GALNT14: variants seen among roughly 807,000 people sequenced by gnomAD.
The protein encoded by GALNT14 is polypeptide N-acetylgalactosaminyltransferase 14.
In GALNT14, 60 loss-of-function variants were observed where a neutral mutation model predicts 77.5. That is an observed-to-expected ratio of 0.77 (90% CI 0.63 to 0.96). The LOEUF is 0.96. GALNT14 is among the 40% of genes least tolerant of loss of function. GALNT14 has a pLI of 0.00. For synonymous variants in GALNT14, 280 were observed against 281.7 expected (o/e 0.99, Z 0.06); for missense variants, 710 against 731.0 (o/e 0.97, Z 0.33).
Position 30,920,632 on chromosome 2 carries a change from C to T in GALNT14, c.1380+3487G>A, listed in dbSNP as rs994544062. ...GTCAGTCCTATGAGAGTGTATGCTA[C>T]ACACACACACACACACACACACACA... is the stretch of plus-strand genomic sequence containing the variant. On this transcript the variant is annotated intron_variant, in intron 13 of 14. Coordinates refer to ENST00000349752, the MANE Select transcript of GALNT14 (RefSeq NM_024572.4). Among the ~76,000 whole-genome samples the T allele has an allele frequency of 1.9e-4, 25 of 128,808 alleles. No homozygotes were observed. The East Asian group carries it at 5.0e-3, about 26-fold the overall frequency. The allele number at this position is 128,808 out of a possible 152,430, so 84.5% of individuals were successfully genotyped here. A position where few individuals can be genotyped will look rare whatever the true frequency, so the allele number is the denominator to read the frequency against.
At chr2:30,925,607 G>A (rs1423841292) in intron 11 of GALNT14, among the ~76,000 whole-genome samples, 2 of 152,312 alleles carry the variant, frequency 1.3e-5, no homozygotes, top group East Asian at 1.9e-4. Context: ...GAAGCTCTGC[G>A]GGCAGGAAGA....
chr2:30,949,333 C>T (rs1203665597), intron 6 of GALNT14, among the ~76,000 whole-genome samples: 5 of 152,176 alleles, frequency 3.3e-5, no homozygotes, highest in Non-Finnish European at 7.3e-5. Flanking sequence ...GGGTCAATTA[C>T]AGCTGAATAA....
At chr2:31,027,089 T>C (rs567840701) in intron 1 of GALNT14, among the ~76,000 whole-genome samples, 1 of 152,220 alleles carries the variant, frequency 6.6e-6, no homozygotes, top group South Asian at 2.1e-4. Context: ...TGGCACTGTA[T>C]CCAGGTATGA....
intron 1 of GALNT14, among the ~76,000 whole-genome samples, chr2:31,053,065 G>C (rs1422918607): frequency 1.3e-5 from 2 of 152,082 alleles, no homozygotes; most frequent in African/African-American, 4.8e-5. Flanking sequence ...GGTTTAACCA[G>C]TTCTGGCCCC....
chr2:31,088,570 T>G (rs1241232220), intron 1 of GALNT14, among the ~76,000 whole-genome samples: 2 of 152,208 alleles, frequency 1.3e-5, no homozygotes, highest in African/African-American at 4.8e-5. Flanking sequence ...GAGCCCAGCT[T>G]AGATCTGTGG....
intron 1 of GALNT14, among the ~76,000 whole-genome samples, chr2:31,026,911 C>T (rs534481097): frequency 7.2e-6 from 1 of 139,656 alleles, no homozygotes; most frequent in Non-Finnish European, 1.6e-5. Flanking sequence ...ATACTGCAGC[C>T]AGTACACTAC....
At chr2:30,889,462 C>T in the GALNT14 span, among the ~76,000 whole-genome samples, 17 of 152,298 alleles carry the variant, frequency 1.1e-4, no homozygotes, top group African/African-American at 3.9e-4. Flanking sequence ...GGGACTTCTC[C>T]CCTTACCCTA....
Position 30,966,190 on chromosome 2 carries a change from C to A in GALNT14, c.398+14G>T, listed in dbSNP as rs752681306. ...GGCCCAGAGCTGGCCAACAGACAAG[C>A]AAGGATGCCTCACCTGCGGATGGTC... On this transcript the variant is annotated intron_variant, in intron 3 of 14. Coordinates refer to ENST00000349752, the MANE Select transcript of GALNT14 (RefSeq NM_024572.4). 8 of 1,611,498 alleles carry A rather than the reference C, an allele frequency of 5.0e-6. No individual in the cohort carries two copies. Among genetic ancestry groups the A allele is most frequent in the Non-Finnish European group, 6.8e-6 (8 of 1,177,814 alleles).
At chr2:31,043,388 G>T (rs1673222088) in intron 1 of GALNT14, among the ~76,000 whole-genome samples, 1 of 152,186 alleles carries the variant, frequency 6.6e-6, no homozygotes, top group African/African-American at 2.4e-5. Flanking sequence ...AATGAGTGGG[G>T]TTTTAAAATT....
intron 1 of GALNT14, among the ~76,000 whole-genome samples, chr2:31,029,035 G>T (rs530156922): frequency 6.6e-6 from 1 of 152,258 alleles, no homozygotes; most frequent in South Asian, 2.1e-4. Flanking sequence ...TCTGGGGGTT[G>T]CTCCCTGAGC....
intron 1 of GALNT14, among the ~76,000 whole-genome samples, chr2:31,029,185 C>T (rs977514105): frequency 3.9e-5 from 6 of 152,190 alleles, no homozygotes; most frequent in East Asian, 1.9e-4. Context: ...AAGTCATTCG[C>T]GGGATCTATT....
chr2:31,015,703 A>G (rs1216603699), intron 1 of GALNT14, among the ~76,000 whole-genome samples: 1 of 152,218 alleles, frequency 6.6e-6, no homozygotes, highest in Non-Finnish European at 1.5e-5. Context: ...CGTCTGTAGT[A>G]TTTTTGCCAA....
At chr2:30,899,590 T>C in the GALNT14 span, among the ~76,000 whole-genome samples, 1 of 152,072 alleles carries the variant, frequency 6.6e-6, no homozygotes, top group Non-Finnish European at 1.5e-5. Context: ...TTTTCCTCCT[T>C]CTTTCTTCCT....
chr2:30,930,279 C>T (rs1665649043), intron 10 of GALNT14, among the ~76,000 whole-genome samples: 1 of 152,212 alleles, frequency 6.6e-6, no homozygotes. Flanking sequence ...GGGTTCTATC[C>T]TTTACCACAG....
intron 1 of GALNT14, among the ~76,000 whole-genome samples, chr2:30,997,645 A>G (rs1670117899): frequency 6.6e-6 from 1 of 152,226 alleles, no homozygotes; most frequent in African/African-American, 2.4e-5. Flanking sequence ...GTGTTTCAAA[A>G]GTATGATGCC....
intron 2 of GALNT14, among the ~76,000 whole-genome samples, chr2:30,977,600 A>G (rs1164218627): frequency 2.0e-5 from 3 of 152,184 alleles, no homozygotes; most frequent in East Asian, 1.9e-4. Flanking sequence ...AGTTCCTCCA[A>G]TTGCAACAGC....
chr2:30,954,285 C>T lies in GALNT14; in HGVS notation c.654+1333G>A, dbSNP rs193282397. 2.6e-5 allele frequency among the ~76,000 whole-genome samples: 4 copies of T among 152,256 alleles called. No individual in the cohort carries two copies. In the East Asian group the frequency reaches 7.7e-4, roughly 29 times the overall value. On this transcript the variant is annotated intron_variant, in intron 6 of 14. Transcript: ENST00000349752. ...GAAGGGACTTCAGTGCCAGGAGAGG[C>T]CCTTCAACATTTCCCAATCCAGACC...
chr2:30,913,056 G>T (rs973860789), intron 13 of GALNT14, among the ~76,000 whole-genome samples: 2 of 152,212 alleles, frequency 1.3e-5, no homozygotes, highest in Admixed American at 1.3e-4. Context: ...AGGAAGAAGG[G>T]CATGCTGTGT....
intron 1 of GALNT14, among the ~76,000 whole-genome samples, chr2:31,088,683 G>A (rs954214928): frequency 1.2e-4 from 19 of 152,300 alleles, no homozygotes; most frequent in African/African-American, 4.6e-4. Flanking sequence ...GGATAAAGGT[G>A]ACTAATACAA....
Sources: gnomAD v4.1 joint callset for allele counts (sites outside exome capture counted in the v4.1 genomes callset) on GRCh38, gnomAD v4.1.1 for gene constraint, MANE v1.5 for transcripts, NCBI Gene and HGNC (gene_info 2026-07-23, HGNC 2026-07-21) for gene names.